OPRD1: variants seen among roughly 807,000 people sequenced by gnomAD.
OPRD1 encodes delta-type opioid receptor.
Under a neutral mutation model 17.5 loss-of-function variants are expected in OPRD1, and 19 were observed. The ratio of observed to expected loss-of-function variants is 1.09; its 90% CI spans 0.76 to 1.60. The LOEUF (loss-of-function observed/expected upper bound fraction) is 1.60. OPRD1 is among the 40% of genes most tolerant of loss of function. OPRD1 has a pLI of 0.00. For synonymous variants in OPRD1, 256 were observed against 240.9 expected (o/e 1.06, Z -0.58); for missense variants, 483 against 547.2 (o/e 0.88, Z 1.17).
intron 1 of OPRD1, among the ~76,000 whole-genome samples, chr1:28,846,488 G>A (rs1391764212): frequency 3.9e-5 from 6 of 151,992 alleles, no homozygotes; most frequent in Non-Finnish European, 7.4e-5. Flanking sequence ...CTGGAGACCA[G>A]CCTGGCCAAC....
rs1056021334 is a variant in OPRD1 at position 28,868,300 on chromosome 1, A to G, written c.*5017A>G. On this transcript the variant is annotated 3_prime_UTR_variant, in exon 3 of 3. Coordinates refer to ENST00000234961, the MANE Select transcript of OPRD1 (RefSeq NM_000911.4). Reference sequence around the variant, plus strand: ...ATGTGGGAATTGGTCCATCTCTAATACGATCATCAGCCTCACTTAATAAGA... The same window carrying G: ...ATGTGGGAATTGGTCCATCTCTAATGCGATCATCAGCCTCACTTAATAAGA... The G allele has an allele frequency of 6.6e-6, 1 of 152,148 alleles. No individual in the cohort carries two copies. The highest frequency in any genetic ancestry group is 2.4e-5 in the African/African-American group (1 of 41,428). The allele number at this position is 152,148 out of a possible 1,614,324, so 9.4% of individuals were successfully genotyped here. A position where few individuals can be genotyped will look rare whatever the true frequency, so the allele number is the denominator to read the frequency against.
chr1:28,857,774 C>T (rs919211881), intron 1 of OPRD1, among the ~76,000 whole-genome samples: 12 of 152,286 alleles, frequency 7.9e-5, no homozygotes, highest in African/African-American at 2.9e-4. Context: ...AGGCATGAGC[C>T]ACTGCACCTG....
chr1:28,858,771 C>G (rs918025878), intron 1 of OPRD1, among the ~76,000 whole-genome samples, 183 bp from the exon 2 acceptor site: 1 of 152,024 alleles, frequency 6.6e-6, no homozygotes, highest in Non-Finnish European at 1.5e-5. Flanking sequence ...GTCTTGAACT[C>G]TTGACCTCAG....
chr1:28,821,939 C>T (rs1557568845), intron 1 of OPRD1, among the ~76,000 whole-genome samples: 1 of 148,506 alleles, frequency 6.7e-6, no homozygotes, highest in Non-Finnish European at 1.5e-5. Context: ...TGTTTGCGCA[C>T]ATCTCATTAT....
chr1:28,814,464 T>C (rs61145707), intron 1 of OPRD1, among the ~76,000 whole-genome samples: 17,970 of 152,048 alleles, frequency 0.12, 1,912 homozygotes, highest in African/African-American at 0.28. Flanking sequence ...TTGAGGGAGG[T>C]GCTTGTCCTA....
chr1:28,813,065 G>A (rs1483900085), intron 1 of OPRD1, among the ~76,000 whole-genome samples: 3 of 152,156 alleles, frequency 2.0e-5, no homozygotes, highest in Admixed American at 1.3e-4. Flanking sequence ...GCGGACAGGA[G>A]GGTGCTGGGT....
At chr1:28,851,646 C>T (rs1368950564) in intron 1 of OPRD1, among the ~76,000 whole-genome samples, 5 of 151,686 alleles carry the variant, frequency 3.3e-5, no homozygotes, top group Non-Finnish European at 5.9e-5. Context: ...CCGAGGCGGG[C>T]GGATCACCTG....
intron 1 of OPRD1, among the ~76,000 whole-genome samples, chr1:28,824,789 A>C (rs1472138191): frequency 6.6e-6 from 1 of 152,192 alleles, no homozygotes; most frequent in Non-Finnish European, 1.5e-5. Context: ...CCAAAGTCCC[A>C]AGATAATTTT....
chr1:28,871,141 G>A lies in OPRD1; in HGVS notation c.*7858G>A, dbSNP rs1045903678. On this transcript the variant is annotated 3_prime_UTR_variant, in exon 3 of 3. Transcript: ENST00000234961. ...CTGCCCCAATTAGGGGCAGGGAGGC[G>A]GGCATGTAAAAAAGGAAGCTTAAAG... 7 of 152,102 alleles carry A rather than the reference G, an allele frequency of 4.6e-5. No individual in the cohort carries two copies. The highest frequency in any genetic ancestry group is 1.2e-4 in the African/African-American group (5 of 41,408). 9.4% of individuals were successfully genotyped at this position (152,102 alleles called of 1,614,324 possible).
At chr1:28,823,350 C>T (rs2088732511) in intron 1 of OPRD1, among the ~76,000 whole-genome samples, 1 of 150,494 alleles carries the variant, frequency 6.6e-6, no homozygotes. Context: ...ATGTGCACCA[C>T]TACACCCGGC....
chr1:28,836,592 C>T (rs918321672), intron 1 of OPRD1, among the ~76,000 whole-genome samples: 3 of 152,146 alleles, frequency 2.0e-5, no homozygotes, highest in African/African-American at 7.2e-5. Flanking sequence ...TGTGCTCCCT[C>T]CGAAGGCTCC....
intron 1 of OPRD1, among the ~76,000 whole-genome samples, chr1:28,841,236 T>A (rs544781252): frequency 6.6e-6 from 1 of 152,242 alleles, no homozygotes; most frequent in Non-Finnish European, 1.5e-5. Context: ...CCACCTGGGC[T>A]GTGAGCACAT....
intron 1 of OPRD1, among the ~76,000 whole-genome samples, chr1:28,845,822 A>G (rs952368240): frequency 3.9e-5 from 6 of 152,160 alleles, no homozygotes; most frequent in African/African-American, 1.4e-4. Flanking sequence ...ACAACAGTAG[A>G]GTTTTGGGAA....
chr1:28,824,684 C>G (rs1042448871), intron 1 of OPRD1, among the ~76,000 whole-genome samples: 1 of 152,022 alleles, frequency 6.6e-6, no homozygotes, highest in African/African-American at 2.4e-5. Context: ...TATATATTAT[C>G]CCATTTAATT....
chr1:28,862,400 G>T (rs1027021343), intron 2 of OPRD1, among the ~76,000 whole-genome samples: 1 of 152,142 alleles, frequency 6.6e-6, no homozygotes, highest in African/African-American at 2.4e-5. Flanking sequence ...TTTGGAAATG[G>T]GTCAAGGTGC....
chr1:28,818,676 C>T (rs678849), intron 1 of OPRD1, among the ~76,000 whole-genome samples: 68,118 of 151,982 alleles, frequency 0.45, 16,678 homozygotes, highest in South Asian at 0.64. Flanking sequence ...GTGTCAAAAG[C>T]ACCTGCTAGG....
At chr1:28,816,870 G>A (rs955884996) in intron 1 of OPRD1, among the ~76,000 whole-genome samples, 2 of 152,114 alleles carry the variant, frequency 1.3e-5, no homozygotes, top group Non-Finnish European at 2.9e-5. Flanking sequence ...GGCTTAGCAG[G>A]CCCCTCACCT....
At chr1:28,845,172 G>A (rs1012541573) in intron 1 of OPRD1, among the ~76,000 whole-genome samples, 2 of 151,690 alleles carry the variant, frequency 1.3e-5, no homozygotes, top group African/African-American at 2.4e-5. Flanking sequence ...GTGAAACCCC[G>A]TCTCTACTAA....
intron 1 of OPRD1, among the ~76,000 whole-genome samples, chr1:28,853,357 C>A (rs1346773152): frequency 6.6e-6 from 1 of 152,174 alleles, no homozygotes; most frequent in East Asian, 1.9e-4. Flanking sequence ...GACAGCAGGG[C>A]CACAGGGGTA....
Sources: allele counts gnomAD v4.1 joint callset (sites outside exome capture counted in the v4.1 genomes callset), GRCh38; gene constraint gnomAD v4.1.1; transcripts MANE v1.5; gene names NCBI Gene and HGNC (gene_info 2026-07-23, HGNC 2026-07-21).